ESAM: variants seen among roughly 807,000 people sequenced by gnomAD.
The protein encoded by ESAM is endothelial cell adhesion molecule, also known as endothelial cell-selective adhesion molecule.
ESAM carries 23 observed loss-of-function variants against 31.8 expected under a neutral mutation model. That is an observed-to-expected ratio of 0.72 (90% CI 0.52 to 1.03). The LOEUF (loss-of-function observed/expected upper bound fraction) is 1.03. ESAM is among the 50% of genes least tolerant of loss of function. The pLI is 0.00. For missense variants in ESAM, 478 were observed against 488.9 expected, an observed-to-expected ratio of 0.98 and a Z score of 0.21; for synonymous variants, 216 against 207.2, an observed-to-expected ratio of 1.04 and a Z score of -0.37.
Position 124,754,078 on chromosome 11 carries a change from C to A in ESAM, c.858-117G>T. The A allele has an allele frequency of 7.7e-6, 12 of 1,553,436 alleles. No homozygotes were observed. The highest frequency in any genetic ancestry group is 1.0e-5 in the Non-Finnish European group (12 of 1,145,934). On this transcript the variant is annotated intron_variant, in intron 6 of 6. Transcript: ENST00000278927. This position sits in a 1 kb window ranked among gnomAD's most constrained non-coding sequence, Gnocchi z 4.5. ...TGCACACTTCAGTACTCCTTTCCCTCTCCCTTAAAACCTGCCCATAGGAAT... is the reference window on the plus strand; with the variant it reads ...TGCACACTTCAGTACTCCTTTCCCTATCCCTTAAAACCTGCCCATAGGAAT...
intron 1 of ESAM, 122 bp from the exon 2 acceptor site, chr11:124,758,649 C>G (rs989902424): frequency 8.1e-7 from 1 of 1,228,144 alleles, no homozygotes; most frequent in Non-Finnish European, 1.1e-6. Flanking sequence ...AGGAACCTTG[C>G]GGGGTCCGGC....
chr11:124,753,373 T>G lies in ESAM; in HGVS notation c.*273A>C. 4.4e-6 allele frequency: 2 copies of G among 457,154 alleles called. No homozygotes were observed. Among genetic ancestry groups the G allele is most frequent in the East Asian group, 4.3e-5 (1 of 23,460 alleles). 28.3% of individuals were successfully genotyped at this position (457,154 alleles called of 1,614,324 possible). A position where few individuals can be genotyped will look rare whatever the true frequency, so the allele number is the denominator to read the frequency against. ...GACTGGAAGTCTCTGCCCCTCACTCTTGGTGAGTAGCTAATTTCAGCAGCT... is the reference window on the plus strand; with the variant it reads ...GACTGGAAGTCTCTGCCCCTCACTCGTGGTGAGTAGCTAATTTCAGCAGCT... On this transcript the variant is annotated 3_prime_UTR_variant, in exon 7 of 7. Coordinates refer to ENST00000278927, the MANE Select transcript of ESAM (RefSeq NM_138961.3).
Position 124,754,031 on chromosome 11 carries a change from G to T in ESAM, c.858-70C>A. On this transcript the variant is annotated intron_variant, in intron 6 of 6. Coordinates refer to ENST00000278927, the MANE Select transcript of ESAM (RefSeq NM_138961.3). The surrounding 1 kb of genome is among the most constrained non-coding windows in gnomAD (Gnocchi z 4.5). ...AGGAGGAGAGAGTTTCTACCTGCTTGGTCTTATATACCACCTCTGCCTGCA... is the reference window on the plus strand; with the variant it reads ...AGGAGGAGAGAGTTTCTACCTGCTTTGTCTTATATACCACCTCTGCCTGCA... 6.3e-7 allele frequency: 1 copy of T among 1,575,354 alleles called. No homozygotes were observed. Among genetic ancestry groups the T allele is most frequent in the Non-Finnish European group, 8.6e-7 (1 of 1,156,474 alleles).
Position 124,762,155 on chromosome 11 carries a change from G to A in ESAM, c.-1C>T, listed in dbSNP as rs751625720. ...CCAGGGGCCCCGGGAGGGAAATCAT[G>A]GCCCTCCCTGGCCGGGACGGAGTCA... On this transcript the variant is annotated 5_prime_UTR_variant, in exon 1 of 7. Transcript: ENST00000278927. The surrounding 1 kb of genome is among the most constrained non-coding windows in gnomAD (Gnocchi z 6.4). 1 of 1,606,934 alleles carries A rather than the reference G, an allele frequency of 6.2e-7. No homozygotes were observed. The highest frequency in any genetic ancestry group is 1.1e-5 in the South Asian group (1 of 90,532).
rs757573436 is a variant in ESAM, at chr11:124,756,067, C to T, written c.607+140G>A. 8 of 1,185,364 alleles carry T rather than the reference C, an allele frequency of 6.7e-6. No individual in the cohort carries two copies. In the South Asian group the frequency reaches 7.2e-5, roughly 11 times the overall value. The allele number at this position is 1,185,364 out of a possible 1,614,324, so 73.4% of individuals were successfully genotyped here. A position where few individuals can be genotyped will look rare whatever the true frequency, so the allele number is the denominator to read the frequency against. On this transcript the variant is annotated intron_variant, in intron 4 of 6. Transcript: ENST00000278927. The stretch of plus-strand genomic sequence containing the variant: ...GCCCCTGGCAGGGCATCTTTCTCTG[C>T]CCCACATCCTCCCCACATCCTCCTC...
intron 1 of ESAM, 126 bp from the exon 2 acceptor site, chr11:124,758,653 G>A: frequency 8.3e-7 from 1 of 1,206,898 alleles, no homozygotes; most frequent in East Asian, 2.7e-5. Context: ...ACCTTGCGGG[G>A]TCCGGCCCCT....
chr11:124,754,455 A>G lies in ESAM; in HGVS notation c.731-115T>C. ...TACACATTCCCTCTTTTTCCCTGTC[A>G]AGAAGAGGGGTGGCTGTTGAGCAGG... On this transcript the variant is annotated intron_variant, in intron 5 of 6. Coordinates refer to ENST00000278927, the MANE Select transcript of ESAM (RefSeq NM_138961.3). This position sits in a 1 kb window ranked among gnomAD's most constrained non-coding sequence, Gnocchi z 4.5. 1 of 1,510,030 alleles carries G rather than the reference A, an allele frequency of 6.6e-7. No homozygotes were observed. The highest frequency in any genetic ancestry group is 8.9e-7 in the Non-Finnish European group (1 of 1,125,018). The allele number at this position is 1,510,030 out of a possible 1,614,324, so 93.5% of individuals were successfully genotyped here.
chr11:124,753,879 T>C lies in ESAM; in HGVS notation c.940A>G (p.Thr314Ala). The change falls in exon 7 of 7, where the codon ACC becomes GCC. Residue 314 changes from threonine to alanine, a missense_variant. Physicochemically the swap from Thr to Ala is moderately conservative, Grantham distance 58. Coordinates refer to ENST00000278927, the MANE Select transcript of ESAM (RefSeq NM_138961.3). ...GGTGGCCGGAGGGCTCGTGCGGAGG[T>C]GACAGAGGAAAGGGTCCCATTCTTG... Reference protein sequence around the residue: ...ISKNGTLSSVTSARALRPPHG... With the variant: ...ISKNGTLSSVASARALRPPHG... 2 of 1,613,628 alleles carry C rather than the reference T, an allele frequency of 1.2e-6. No homozygotes were observed. Among genetic ancestry groups the C allele is most frequent in the Non-Finnish European group, 1.7e-6 (2 of 1,179,902 alleles).
chr11:124,761,243 A>T (rs1350458854), intron 1 of ESAM, among the ~76,000 whole-genome samples: 1 of 152,134 alleles, frequency 6.6e-6, no homozygotes, highest in Admixed American at 6.5e-5. Context: ...CAGCAAGTGA[A>T]ATAGTTTAAA....
Position 124,753,596 on chromosome 11 carries a change from T to C in ESAM, c.*50A>G, listed in dbSNP as rs12541. On this transcript the variant is annotated 3_prime_UTR_variant, in exon 7 of 7. Coordinates refer to ENST00000278927, the MANE Select transcript of ESAM (RefSeq NM_138961.3). ...CAGGCCTCTGTGCTAGAGGTGACCC[T>C]TATAGGAAGGAGAGACCCCAAATCC... 391,685 of 1,602,524 alleles carry C rather than the reference T, an allele frequency of 0.24. 58,193 individuals are homozygous for C. The highest frequency in any genetic ancestry group is 0.73 in the African/African-American group (54,480 of 74,872).
chr11:124,761,797 T>A (rs1369143488), intron 1 of ESAM, among the ~76,000 whole-genome samples: 2 of 144,950 alleles, frequency 1.4e-5, no homozygotes, highest in Non-Finnish European at 3.0e-5. Context: ...GGGTGGGGAG[T>A]GGACAGGGTG....
At chr11:124,757,884 G>A (rs954037885) in intron 2 of ESAM, among the ~76,000 whole-genome samples, 1 of 151,926 alleles carries the variant, frequency 6.6e-6, no homozygotes, top group African/African-American at 2.4e-5. Flanking sequence ...TTTTAGCAGA[G>A]ACGGGGGTTT....
chr11:124,753,747 T>C lies in ESAM; in HGVS notation c.1072A>G (p.Ile358Val), dbSNP rs772443683. Residue 358 changes from isoleucine to valine, a missense_variant, in exon 7 of 7, where the codon ATA becomes GTA. By Grantham distance (29) the Ile-to-Val change is conservative. Transcript: ENST00000278927. ...GAAACCCCACCAGGGATGGGGGATA[T>C]TGGTTGAGGGTGGGCCCCATCTGTC... ...PTTDGAHPQP[I>V]SPIPGGVSSS... The C allele has an allele frequency of 3.1e-6, 5 of 1,613,898 alleles. No homozygotes were observed. Among genetic ancestry groups the C allele is most frequent in the Non-Finnish European group, 3.4e-6 (4 of 1,179,950 alleles).
intron 1 of ESAM, among the ~76,000 whole-genome samples, chr11:124,760,480 G>C (rs764600370): frequency 7.2e-5 from 11 of 152,218 alleles, no homozygotes; most frequent in Non-Finnish European, 1.5e-4. Flanking sequence ...CTCCCCCCGC[G>C]GGCTTCTCAC....
In ESAM at chr11:124,756,640, C is replaced by T; in HGVS notation, c.352G>A (p.Glu118Lys). Residue 118 changes from glutamate to lysine, a missense_variant, in exon 3 of 7, where the codon GAG (glutamate) becomes AAG (lysine). Glu to Lys is a moderately conservative substitution (Grantham distance 56). Transcript: ENST00000278927. ...NLSLRLEGLQ[E>K]KDSGPYSCSV... ...CAGCTGTAGGGGCCAGAGTCTTTCT[C>T]CTGGAGACCCTCCAGCCGCAGGGAC... 6.2e-7 allele frequency: 1 copy of T among 1,614,146 alleles called. No homozygotes were observed. The highest frequency in any genetic ancestry group is 1.1e-5 in the South Asian group (1 of 91,086).
chr11:124,755,932 C>T (rs1336628046), intron 4 of ESAM, among the ~76,000 whole-genome samples: 1 of 152,014 alleles, frequency 6.6e-6, no homozygotes, highest in Non-Finnish European at 1.5e-5. Context: ...AAGAAGGCAC[C>T]GAGTCACACA....
chr11:124,753,611 A>G lies in ESAM; in HGVS notation c.*35T>C, dbSNP rs934917998. On this transcript the variant is annotated 3_prime_UTR_variant, in exon 7 of 7. Transcript: ENST00000278927. ...GAGGTGACCCTTATAGGAAGGAGAGACCCCAAATCCTTTAGCCAATGAGTG... is the reference window on the plus strand; with the variant it reads ...GAGGTGACCCTTATAGGAAGGAGAGGCCCCAAATCCTTTAGCCAATGAGTG... The G allele has an allele frequency of 8.7e-6, 14 of 1,611,080 alleles. No individual in the cohort carries two copies. Among genetic ancestry groups the G allele is most frequent in the Non-Finnish European group, 1.2e-5 (14 of 1,179,446 alleles).
chr11:124,759,126 G>T lies in ESAM; in HGVS notation c.71-599C>A, dbSNP rs911764373. 3 of 152,272 alleles carry T rather than the reference G, an allele frequency of 2.0e-5. No individual in the cohort carries two copies. Among genetic ancestry groups the T allele is most frequent in the African/African-American group, 7.2e-5 (3 of 41,438 alleles). The allele number at this position is 152,272 out of a possible 1,614,324, so 9.4% of individuals were successfully genotyped here. A position where few individuals can be genotyped will look rare whatever the true frequency, so the allele number is the denominator to read the frequency against. On this transcript the variant is annotated intron_variant, in intron 1 of 6. Transcript: ENST00000278927. This position sits in a 1 kb window ranked among gnomAD's most constrained non-coding sequence, Gnocchi z 6.8. ...AATGCGATGCTCCCCGCCCTCCCGC[G>T]CAATCTCAGAGGCGGGCTTCCCTCG...
At chr11:124,760,810 C>T (rs1565443293) in intron 1 of ESAM, among the ~76,000 whole-genome samples, 1 of 152,188 alleles carries the variant, frequency 6.6e-6, no homozygotes, top group South Asian at 2.1e-4. Context: ...CCCCCAGCCC[C>T]CACCCCCCAC....
Sources: gnomAD v4.1 joint callset for allele counts (sites outside exome capture counted in the v4.1 genomes callset) on GRCh38, gnomAD v4.1.1 for gene constraint, Gnocchi (gnomAD v3.1) non-coding constraint, MANE v1.5 for transcripts, NCBI Gene and HGNC (gene_info 2026-07-23, HGNC 2026-07-21) for gene names.